PLXNA4: variants seen among roughly 807,000 people sequenced by gnomAD.
PLXNA4 encodes plexin-A4.
Under a neutral mutation model 191.8 loss-of-function variants are expected in PLXNA4, and 44 were observed. That is an observed-to-expected ratio of 0.23 (90% CI 0.18 to 0.29). The LOEUF (loss-of-function observed/expected upper bound fraction) is 0.29, where lower values mean the gene tolerates loss of function less well. Among genes scored for constraint, PLXNA4 ranks in the 10% least tolerant of loss-of-function variants. The pLI, the probability that PLXNA4 is intolerant of heterozygous loss-of-function variation, is 1.00. For missense variants in PLXNA4, 1,800 were observed against 2,488.8 expected, an observed-to-expected ratio of 0.72 and a Z score of 5.89; for synonymous variants, 1,082 against 1,009.5, an observed-to-expected ratio of 1.07 and a Z score of -1.36.
intron 4 of PLXNA4, among the ~76,000 whole-genome samples, chr7:132,242,874 T>C (rs1420194539): frequency 6.6e-6 from 1 of 152,172 alleles, no homozygotes; most frequent in African/African-American, 2.4e-5. Flanking sequence ...GCCAAGAATT[T>C]GCCCTCTTTC....
At chr7:132,509,807 G>A (rs902869403) in intron 1 of PLXNA4, among the ~76,000 whole-genome samples, 1 of 152,120 alleles carries the variant, frequency 6.6e-6, no homozygotes, top group Non-Finnish European at 1.5e-5. Context: ...GCTGGATGAA[G>A]AGGCCAAATT....
At chr7:132,152,385 G>A (rs910551567) in intron 25 of PLXNA4, among the ~76,000 whole-genome samples, 13 of 152,324 alleles carry the variant, frequency 8.5e-5, no homozygotes, top group South Asian at 2.1e-4. Context: ...CGGTGTGCAC[G>A]ACTGGCTGAA....
chr7:132,337,917 A>G (rs1034126376), intron 3 of PLXNA4, among the ~76,000 whole-genome samples: 2 of 152,194 alleles, frequency 1.3e-5, no homozygotes, highest in Non-Finnish European at 2.9e-5. Flanking sequence ...CAGTTATGGA[A>G]GAACAAGGAA....
intron 3 of PLXNA4, among the ~76,000 whole-genome samples, chr7:132,343,246 A>C (rs1383295774): frequency 6.6e-6 from 1 of 152,224 alleles, no homozygotes; most frequent in African/African-American, 2.4e-5. Flanking sequence ...AATATTCCTA[A>C]CATAAAATTG....
In PLXNA4 at chr7:132,516,257, T is replaced by TTTAC. The variant is rs1798934270; in HGVS notation, c.-86-7479_-86-7478insGTAA. 2.0e-5 allele frequency among the ~76,000 whole-genome samples: 3 copies of TTTAC among 151,716 alleles called. No homozygotes were observed. The South Asian group carries it at 6.2e-4, about 32-fold the overall frequency. On this transcript the variant is annotated intron_variant, in intron 1 of 31. Transcript: ENST00000321063. ...ATTTATTTATTTATTTATTTATTTA[T>TTTAC]TTATTTGTATTTAAAGGTAAAGCTC...
intron 30 of PLXNA4, among the ~76,000 whole-genome samples, chr7:132,134,835 G>C (rs1328997439): frequency 2.6e-5 from 4 of 152,004 alleles, no homozygotes; most frequent in African/African-American, 9.6e-5. Flanking sequence ...GAACCCTCAG[G>C]GCCCAGTACC....
chr7:132,180,042 T>C, intron 19 of PLXNA4, 121 bp from the exon 20 acceptor site: 2 of 1,436,812 alleles, frequency 1.4e-6, no homozygotes, highest in South Asian at 2.9e-5. Flanking sequence ...CAATCACTGG[T>C]GTCAAAATAG....
At chr7:132,347,588 G>A (rs1803297211) in intron 3 of PLXNA4, among the ~76,000 whole-genome samples, 1 of 152,192 alleles carries the variant, frequency 6.6e-6, no homozygotes, top group Non-Finnish European at 1.5e-5. Context: ...CGTTTGGTAG[G>A]AAATGGCAGC....
intron 3 of PLXNA4, among the ~76,000 whole-genome samples, chr7:132,435,174 G>A (rs1376678611): frequency 6.6e-6 from 1 of 152,110 alleles, no homozygotes; most frequent in Non-Finnish European, 1.5e-5. Flanking sequence ...CATTTAGAAT[G>A]GTGGCATCAT....
chr7:132,384,144 C>T, intron 3 of PLXNA4: 2 of 985,410 alleles, frequency 2.0e-6, no homozygotes, highest in Non-Finnish European at 1.2e-6. Context: ...TTCATTCCCT[C>T]CCACAGGCCA....
At chr7:132,509,230 G>T (rs1798612925) in intron 1 of PLXNA4, among the ~76,000 whole-genome samples, 1 of 152,114 alleles carries the variant, frequency 6.6e-6, no homozygotes, top group African/African-American at 2.4e-5. Context: ...TGCAAGCTTT[G>T]TCCGGTGTTC....
intron 2 of PLXNA4, among the ~76,000 whole-genome samples, chr7:132,596,777 C>A (rs1220710178): frequency 8.7e-5 from 13 of 149,260 alleles, no homozygotes; most frequent in Non-Finnish European, 1.0e-4. Context: ...ACTTTCATTA[C>A]TTTTTGATGA....
chr7:132,228,148 A>G (rs533694443), intron 6 of PLXNA4, among the ~76,000 whole-genome samples, 198 bp downstream of exon 6: 32 of 152,180 alleles, frequency 2.1e-4, no homozygotes, highest in African/African-American at 7.2e-4. Flanking sequence ...CTCTTCCCCA[A>G]TAGTCCTGTC....
chr7:132,425,925 C>T (rs1683442423), intron 3 of PLXNA4, among the ~76,000 whole-genome samples: 2 of 152,212 alleles, frequency 1.3e-5, no homozygotes. Context: ...GCCTCCTGCC[C>T]AGGCTCCCTG....
intron 3 of PLXNA4, among the ~76,000 whole-genome samples, chr7:132,300,622 C>T (rs564322077): frequency 5.5e-4 from 84 of 152,308 alleles, no homozygotes; most frequent in African/African-American, 1.9e-3. Flanking sequence ...CTGGCCAGGT[C>T]CTTTCCTAAT....
At chr7:132,167,696 A>G (rs1562893621) in intron 22 of PLXNA4, among the ~76,000 whole-genome samples, 1 of 152,036 alleles carries the variant, frequency 6.6e-6, no homozygotes, top group Admixed American at 6.5e-5. Context: ...ACCATCATGC[A>G]TAGCTAATTT....
chr7:132,385,429 C>T (rs1382244994), intron 3 of PLXNA4: 2 of 1,301,632 alleles, frequency 1.5e-6, no homozygotes, highest in African/African-American at 1.5e-5. Context: ...ATATGTATTA[C>T]AAAATGTATT....
At chr7:132,438,916 A>G (rs1324721252) in intron 3 of PLXNA4, among the ~76,000 whole-genome samples, 1 of 152,212 alleles carries the variant, frequency 6.6e-6, no homozygotes, top group African/African-American at 2.4e-5. Context: ...TTTATATGAA[A>G]CATATGGATG....
At chr7:132,132,995 CTTCA>C in intron 31 of PLXNA4, 50 bp downstream of exon 31, 4 of 1,584,634 alleles carry the variant, frequency 2.5e-6, no homozygotes, top group Non-Finnish European at 3.4e-6. Flanking sequence ...GCAGGGTTGT[CTTCA>C]TTCTCTTCCC....
Sources: gnomAD v4.1 joint callset for allele counts (sites outside exome capture counted in the v4.1 genomes callset) on GRCh38, gnomAD v4.1.1 for gene constraint, MANE v1.5 for transcripts, NCBI Gene and HGNC (gene_info 2026-07-23, HGNC 2026-07-21) for gene names.